Variants in GRID2 observed in about 807,000 individuals in gnomAD.
GRID2 encodes the protein glutamate ionotropic receptor delta type subunit 2.
A neutral mutation model predicts 114.8 loss-of-function variants in GRID2; 33 were observed. The ratio of observed to expected loss-of-function variants is 0.29; its 90% confidence interval spans 0.22 to 0.38. GRID2 has a LOEUF of 0.38. GRID2 is among the 10% of genes least tolerant of loss of function. The probability of loss-of-function intolerance (pLI) is 1.00; values close to 1 mark genes in which losing one functional copy is unlikely to be tolerated. For missense variants in GRID2, 1,184 were observed against 1,257.7 expected (o/e 0.94, Z 0.89); for synonymous variants, 505 against 449.9 (o/e 1.12, Z -1.55).
chr4:93,608,311 A>ATT (rs1186818508), intron 13 of GRID2, among the ~76,000 whole-genome samples: 4 of 116,150 alleles, frequency 3.4e-5, no homozygotes, highest in Admixed American at 8.5e-5. Flanking sequence ...TTTTTTTTTA[A>ATT]TTTTTTTTTT....
At chr4:93,436,455 G>A (rs1721095418) in intron 10 of GRID2, among the ~76,000 whole-genome samples, 1 of 152,104 alleles carries the variant, frequency 6.6e-6, no homozygotes, top group Non-Finnish European at 1.5e-5. Flanking sequence ...GTGGAGCACT[G>A]AGAGTAGGGG....
intron 2 of GRID2, among the ~76,000 whole-genome samples, chr4:92,618,481 T>G (rs1490053280): frequency 1.3e-5 from 2 of 151,922 alleles, no homozygotes; most frequent in Middle Eastern, 3.4e-3. Flanking sequence ...AAGATTGCTT[T>G]GGCTATATAG....
At chr4:92,990,507 G>A (rs556631478) in intron 2 of GRID2, among the ~76,000 whole-genome samples, 64 of 151,686 alleles carry the variant, frequency 4.2e-4, no homozygotes, top group South Asian at 1.5e-3. Flanking sequence ...ACGGTGCGGG[G>A]ATTCATCACG....
intron 2 of GRID2, among the ~76,000 whole-genome samples, chr4:92,939,914 C>T (rs1750972285): frequency 1.4e-5 from 2 of 146,542 alleles, no homozygotes; most frequent in African/African-American, 4.9e-5. Flanking sequence ...TCTTCTGTTC[C>T]ATTGGTGTAT....
At chr4:92,388,703 C>T (rs879579487) in intron 1 of GRID2, among the ~76,000 whole-genome samples, 2 of 151,904 alleles carry the variant, frequency 1.3e-5, no homozygotes, top group East Asian at 1.9e-4. Flanking sequence ...TTTCTCACAC[C>T]GCCAGTTAAT....
intron 13 of GRID2, among the ~76,000 whole-genome samples, chr4:93,521,206 G>A (rs541675604): frequency 4.3e-4 from 65 of 152,228 alleles, no homozygotes; most frequent in African/African-American, 1.6e-3. Context: ...GGTTTGATAA[G>A]TCAAATGAGA....
At chr4:92,922,636 A>T (rs939753280) in intron 2 of GRID2, among the ~76,000 whole-genome samples, 12 of 152,340 alleles carry the variant, frequency 7.9e-5, no homozygotes, top group African/African-American at 2.9e-4. Context: ...TAATAGTCCA[A>T]AATCTAAAAA....
chr4:93,519,983 T>A (rs1490215775), intron 13 of GRID2, among the ~76,000 whole-genome samples: 3 of 152,040 alleles, frequency 2.0e-5, no homozygotes, highest in African/African-American at 7.2e-5. Flanking sequence ...AAAACTGAAG[T>A]ATTAAAATGG....
At chr4:93,237,850 G>T (rs577482229) in intron 7 of GRID2, among the ~76,000 whole-genome samples, 1 of 151,564 alleles carries the variant, frequency 6.6e-6, no homozygotes, top group Non-Finnish European at 1.5e-5. Context: ...TTTTTGATTT[G>T]GAAAATATAT....
chr4:92,899,117 A>C (rs1747379516), intron 2 of GRID2, among the ~76,000 whole-genome samples: 1 of 152,142 alleles, frequency 6.6e-6, no homozygotes, highest in Admixed American at 6.5e-5. Flanking sequence ...GAAAAGAATA[A>C]AATTTTGAAT....
At chr4:93,266,258 A>G (rs1202151508) in intron 8 of GRID2, among the ~76,000 whole-genome samples, 1 of 152,168 alleles carries the variant, frequency 6.6e-6, no homozygotes, top group African/African-American at 2.4e-5. Flanking sequence ...ATTGAACAAA[A>G]CAATTTTATT....
intron 4 of GRID2, among the ~76,000 whole-genome samples, chr4:93,187,235 T>C (rs535750293): frequency 4.6e-5 from 7 of 152,316 alleles, no homozygotes; most frequent in South Asian, 4.1e-4. Flanking sequence ...CCTTCTCACA[T>C]GTAAAATATA....
chr4:92,327,392 T>A (rs1309736066), intron 1 of GRID2, among the ~76,000 whole-genome samples: 1 of 151,714 alleles, frequency 6.6e-6, no homozygotes, highest in African/African-American at 2.4e-5. Context: ...GTGTGCCTTC[T>A]CAATCTCTAG....
chr4:93,619,386 G>A (rs193251008), intron 13 of GRID2, among the ~76,000 whole-genome samples: 1 of 152,248 alleles, frequency 6.6e-6, no homozygotes, highest in African/African-American at 2.4e-5. Flanking sequence ...ACTTATGTGG[G>A]CAATGAATTA....
intron 14 of GRID2, among the ~76,000 whole-genome samples, chr4:93,662,615 G>A (rs1723596494): frequency 6.6e-6 from 1 of 152,270 alleles, no homozygotes; most frequent in South Asian, 2.1e-4. Flanking sequence ...TTGGAAAAAG[G>A]TAGCAGGGTG....
intron 2 of GRID2, among the ~76,000 whole-genome samples, chr4:92,845,961 C>T (rs1400852572): frequency 6.6e-6 from 1 of 152,102 alleles, no homozygotes; most frequent in Non-Finnish European, 1.5e-5. Flanking sequence ...CCACCTGGCT[C>T]TTCATTTCTA....
intron 2 of GRID2, among the ~76,000 whole-genome samples, chr4:92,909,722 G>C: frequency 6.6e-6 from 1 of 152,008 alleles, no homozygotes; most frequent in Non-Finnish European, 1.5e-5. Context: ...AACATTATTT[G>C]CTAATGCCTT....
At chr4:93,600,353 A>G (rs1291840594) in intron 13 of GRID2, among the ~76,000 whole-genome samples, 2 of 152,218 alleles carry the variant, frequency 1.3e-5, no homozygotes, top group African/African-American at 4.8e-5. Context: ...TCTCATATAT[A>G]AAGAACTAAA....
chr4:92,613,682 G>A (rs1729863930), intron 2 of GRID2, among the ~76,000 whole-genome samples: 3 of 151,454 alleles, frequency 2.0e-5, no homozygotes, highest in African/African-American at 4.8e-5. Flanking sequence ...ACATGAAGTT[G>A]TTGATAATTT....
Sources: gnomAD v4.1 joint callset for allele counts (sites outside exome capture counted in the v4.1 genomes callset) on GRCh38, gnomAD v4.1.1 for gene constraint, MANE v1.5 for transcripts, NCBI Gene and HGNC (gene_info 2026-07-23, HGNC 2026-07-21) for gene names.